The following IGF1R variants were observed in gnomAD, a reference collection of about 807,000 sequenced individuals.
IGF1R encodes insulin like growth factor 1 receptor.
IGF1R carries 44 observed loss-of-function variants against 144.6 expected under a neutral mutation model. That is an observed-to-expected ratio of 0.30 (90% confidence interval 0.24 to 0.39). The LOEUF (loss-of-function observed/expected upper bound fraction) is 0.39. IGF1R is among the 10% of genes least tolerant of loss of function. The probability of loss-of-function intolerance (pLI) is 1.00; values close to 1 mark genes in which losing one functional copy is unlikely to be tolerated. For synonymous variants in IGF1R, 795 were observed against 722.8 expected (o/e 1.10, Z -1.60); for missense variants, 1,355 against 1,833.7 (o/e 0.74, Z 4.77).
intron 2 of IGF1R, among the ~76,000 whole-genome samples, chr15:98,823,496 G>A (rs1415357733): frequency 6.6e-6 from 1 of 152,232 alleles, no homozygotes; most frequent in African/African-American, 2.4e-5. Context: ...ATCTTAACAA[G>A]TTAGTACCTT....
intron 1 of IGF1R, among the ~76,000 whole-genome samples, chr15:98,670,825 C>T (rs1400208818): frequency 1.3e-5 from 2 of 152,164 alleles, no homozygotes; most frequent in South Asian, 4.1e-4. Context: ...TTGCTTTTCT[C>T]CCCCAATCAA....
At chr15:98,930,008 T>C (rs1748184075) in intron 14 of IGF1R, among the ~76,000 whole-genome samples, 1 of 152,222 alleles carries the variant, frequency 6.6e-6, no homozygotes, top group South Asian at 2.1e-4. Flanking sequence ...AAAGCGCTAA[T>C]CTCAGGCTAC....
At chr15:98,782,653 C>T (rs1282858616) in intron 2 of IGF1R, among the ~76,000 whole-genome samples, 1 of 152,114 alleles carries the variant, frequency 6.6e-6, no homozygotes. Context: ...TTTAATCACT[C>T]CAAATTAGTC....
rs572935990 is a variant in IGF1R at position 98,663,110 on chromosome 15, C to G, written c.94+13435C>G. Among the ~76,000 whole-genome samples, 357 of 152,116 alleles carry G rather than the reference C, an allele frequency of 2.3e-3. 1 individual carries two copies. The highest frequency in any genetic ancestry group is 8.2e-3 in the African/African-American group (341 of 41,494). On this transcript the variant is annotated intron_variant, in intron 1 of 20. Transcript: ENST00000650285. ...GGAAGTCTTGTCTCTAGACCTGAGA[C>G]CAGGAAGCAGGAATGGACTGGACAG...
chr15:98,832,584 T>C lies in IGF1R; in HGVS notation c.641-58741T>C, dbSNP rs532721859. Among the ~76,000 whole-genome samples, 3 of 152,348 alleles carry C rather than the reference T, an allele frequency of 2.0e-5. No individual in the cohort carries two copies. The South Asian group carries it at 6.2e-4, about 32-fold the overall frequency. The stretch of plus-strand genomic sequence containing the variant: ...AGATATATTCACAAGTTTCTGTGAA[T>C]GTGAATTAAGTATGTAGATCTTGAT... On this transcript the variant is annotated intron_variant, in intron 2 of 20. Transcript: ENST00000650285.
chr15:98,719,966 G>A (rs137926876), intron 2 of IGF1R, among the ~76,000 whole-genome samples: 1 of 152,218 alleles, frequency 6.6e-6, no homozygotes, highest in South Asian at 2.1e-4. Context: ...TGGTAATTGG[G>A]ATGATGCTCT....
chr15:98,735,272 G>A (rs937034578), intron 2 of IGF1R, among the ~76,000 whole-genome samples: 5 of 152,162 alleles, frequency 3.3e-5, no homozygotes, highest in East Asian at 1.9e-4. Context: ...TGGCTCAAGC[G>A]GAAAAGAGCA....
chr15:98,812,458 G>C (rs2056612523), intron 2 of IGF1R, among the ~76,000 whole-genome samples: 1 of 151,608 alleles, frequency 6.6e-6, no homozygotes. Context: ...CTGGTTTCAA[G>C]CATTTGTCCT....
intron 2 of IGF1R, among the ~76,000 whole-genome samples, chr15:98,781,271 T>A (rs1408848972): frequency 6.6e-6 from 1 of 152,212 alleles, no homozygotes; most frequent in African/African-American, 2.4e-5. Context: ...CTTGATAAAA[T>A]GATTGTAGAG....
intron 2 of IGF1R, among the ~76,000 whole-genome samples, chr15:98,809,363 G>T (rs1290907043): frequency 6.6e-6 from 1 of 152,194 alleles, no homozygotes; most frequent in Non-Finnish European, 1.5e-5. Flanking sequence ...GAGCCTGCAA[G>T]GGCTTCCTTC....
At chr15:98,848,559 T>C (rs2011423857) in intron 2 of IGF1R, among the ~76,000 whole-genome samples, 1 of 152,218 alleles carries the variant, frequency 6.6e-6, no homozygotes, top group Non-Finnish European at 1.5e-5. Context: ...GTTGGAAGCT[T>C]AAGGAACATC....
intron 2 of IGF1R, among the ~76,000 whole-genome samples, chr15:98,767,085 C>A (rs1374478243): frequency 1.3e-5 from 2 of 152,114 alleles, no homozygotes; most frequent in Non-Finnish European, 2.9e-5. Context: ...ATAGGATTTC[C>A]ACATGGTTCA....
chr15:98,896,690 G>GT (rs901017372), intron 3 of IGF1R, 67 bp from the exon 4 acceptor site: 10 of 1,496,004 alleles, frequency 6.7e-6, no homozygotes, highest in African/African-American at 1.4e-5. Context: ...TATCCTTATG[G>GT]TTTTTTTAAT....
intron 11 of IGF1R, among the ~76,000 whole-genome samples, chr15:98,922,758 C>T (rs1032395755): frequency 6.6e-6 from 1 of 152,338 alleles, no homozygotes; most frequent in Admixed American, 6.5e-5. Context: ...GCGCACAAAT[C>T]GGGTTGCCCC....
intron 15 of IGF1R, among the ~76,000 whole-genome samples, chr15:98,931,985 G>C (rs1432589559): frequency 6.6e-6 from 1 of 152,218 alleles, no homozygotes. Flanking sequence ...CCCTCTGTGA[G>C]GGTGGACTGT....
chr15:98,694,874 G>A (rs1007319725), intron 1 of IGF1R, among the ~76,000 whole-genome samples: 1 of 152,166 alleles, frequency 6.6e-6, no homozygotes, highest in Non-Finnish European at 1.5e-5. Context: ...TAAGCAGTGC[G>A]TGGAAGGAAA....
At chr15:98,802,261 T>C (rs902721163) in intron 2 of IGF1R, among the ~76,000 whole-genome samples, 4 of 152,224 alleles carry the variant, frequency 2.6e-5, no homozygotes, top group Non-Finnish European at 5.9e-5. Context: ...TTCTGGATAA[T>C]AACTACTATA....
intron 1 of IGF1R, chr15:98,651,102 G>A (rs1302314438): frequency 3.1e-6 from 3 of 978,112 alleles, no homozygotes; most frequent in Non-Finnish European, 3.6e-6. Flanking sequence ...GTTGCCGAGG[G>A]TATGCAGGTG....
chr15:98,731,128 T>C (rs1032915070), intron 2 of IGF1R, among the ~76,000 whole-genome samples: 1 of 152,356 alleles, frequency 6.6e-6, no homozygotes, highest in Non-Finnish European at 1.5e-5. Context: ...CCTGGTAACT[T>C]TGATGGCCAT....
Sources: gnomAD v4.1 joint callset for allele counts (sites outside exome capture counted in the v4.1 genomes callset) on GRCh38, gnomAD v4.1.1 for gene constraint, MANE v1.5 for transcripts, NCBI Gene and HGNC (gene_info 2026-07-23, HGNC 2026-07-21) for gene names.